TMEM132A: variants seen among roughly 807,000 people sequenced by gnomAD.
TMEM132A encodes transmembrane protein 132A.
In TMEM132A, 48 loss-of-function variants were observed where a neutral mutation model predicts 69.9. The ratio of observed to expected loss-of-function variants is 0.69; its 90% confidence interval spans 0.55 to 0.87. The LOEUF is 0.87. Ranked by LOEUF, TMEM132A falls within the 40% of genes least tolerant of loss-of-function variation. The probability of loss-of-function intolerance (pLI) is 0.00; values close to 1 mark genes in which losing one functional copy is unlikely to be tolerated. For synonymous variants in TMEM132A, 577 were observed against 613.7 expected (o/e 0.94, Z 0.88); for missense variants, 1,287 against 1,407.2 (o/e 0.91, Z 1.37).
In TMEM132A at chr11:60,936,769, G is replaced by A. The variant is rs374151830; in HGVS notation, c.2934G>A (p.Glu978=). 53 of 1,612,546 alleles carry A rather than the reference G, an allele frequency of 3.3e-5. No homozygotes were observed. The highest frequency in any genetic ancestry group is 4.3e-5 in the Non-Finnish European group (51 of 1,179,506). ...CAGCCCCTCCAGCCCAGTCACCTGA[G>A]GAGCCTGTAGGGGCCCCTGCTGTGC... The part of the protein sequence containing the change: ...FAPAPPAQSP[E]EPVGAPAVQS... Residue 978 remains glutamate (E), a synonymous_variant, in exon 11 of 11, where the codon GAG becomes GAA. Transcript: ENST00000453848.
Position 60,934,618 on chromosome 11 carries a change from C to G in TMEM132A, c.1690C>G (p.Arg564Gly), listed in dbSNP as rs753138990. 8 of 1,584,480 alleles carry G rather than the reference C, an allele frequency of 5.0e-6. No individual in the cohort carries two copies. The Admixed American group carries it at 1.4e-4, about 27-fold the overall frequency. The change falls in exon 9 of 11, where the codon CGC becomes GGC. Residue 564 changes from arginine (R) to glycine (G), a missense_variant. Physicochemically the swap from Arg to Gly is moderately radical, Grantham distance 125 (BLOSUM62 -2). Transcript: ENST00000453848. ...FAAHPLDGGR[R>G]LTHLLGPDWL... ...GGCCCACCCGCTGGACGGCGGCCGC[C>G]GCCTCACGCACCTGCTTGGCCCCGA...
At chr11:60,928,224 G>A (rs1856395788) in intron 3 of TMEM132A, among the ~76,000 whole-genome samples, 1 of 152,236 alleles carries the variant, frequency 6.6e-6, no homozygotes, top group South Asian at 2.1e-4. Flanking sequence ...TGCATTATTA[G>A]TAGTGTTACT....
chr11:60,934,819 CA>C, intron 9 of TMEM132A, 55 bp downstream of exon 9: 1 of 1,517,968 alleles, frequency 6.6e-7, no homozygotes. Flanking sequence ...GAGGGGCCCC[CA>C]AAATGTTCGT....
intron 4 of TMEM132A, among the ~76,000 whole-genome samples, chr11:60,929,620 G>A (rs1856431948): frequency 6.6e-6 from 1 of 152,150 alleles, no homozygotes; most frequent in Non-Finnish European, 1.5e-5. Context: ...GGATAGTCCT[G>A]GGCTTGGTTA....
intron 9 of TMEM132A, among the ~76,000 whole-genome samples, 181 bp downstream of exon 9, chr11:60,934,945 G>C (rs1055628075): frequency 6.6e-6 from 1 of 152,140 alleles, no homozygotes; most frequent in African/African-American, 2.4e-5. Context: ...GCATAAGGGG[G>C]GAAGCCCTCT....
In TMEM132A at chr11:60,931,830, G is replaced by C. The variant is rs758643242; in HGVS notation, c.1158G>C (p.Val386=). 2.5e-6 allele frequency: 4 copies of C among 1,614,266 alleles called. No individual in the cohort carries two copies. The highest frequency in any genetic ancestry group is 3.4e-6 in the Non-Finnish European group (4 of 1,180,046). ...QAPEAEKDKM[V]WEILVSERDI... ...CTGAAGCAGAGAAGGACAAAATGGT[G>C]TGGGAAATCCTGGTGTCTGAGCGGG... Residue 386 remains valine (V), a synonymous_variant, in exon 6 of 11, where the codon GTG becomes GTC. Transcript: ENST00000453848.
intron 7 of TMEM132A, chr11:60,932,731 C>T (rs1856508578): frequency 6.6e-6 from 1 of 152,206 alleles, no homozygotes; most frequent in South Asian, 2.1e-4. Flanking sequence ...AGAGGGGAAG[C>T]ATGGAGTCTG....
chr11:60,930,123 A>G (rs1856443752), intron 4 of TMEM132A, among the ~76,000 whole-genome samples: 3 of 152,352 alleles, frequency 2.0e-5, no homozygotes, highest in Middle Eastern at 6.8e-3. Context: ...AGGGCAGAGC[A>G]GGCTGAAGGC....
At chr11:60,925,313 C>G (rs1318618980) in intron 1 of TMEM132A, 1 of 152,600 alleles carries the variant, frequency 6.6e-6, no homozygotes, top group African/African-American at 2.4e-5. Flanking sequence ...CCCTGTGCTT[C>G]GGGGTGGGGG....
At chr11:60,928,521 C>G (rs1856399676) in intron 3 of TMEM132A, 108 bp from the exon 4 acceptor site, 3 of 1,072,986 alleles carry the variant, frequency 2.8e-6, no homozygotes, top group Admixed American at 4.2e-5. Flanking sequence ...GCTGGGCCTC[C>G]CTTTCATGAG....
In TMEM132A at chr11:60,927,231, C is replaced by G; in HGVS notation, c.128C>G (p.Pro43Arg). The change falls in exon 2 of 11, where the codon CCT becomes CGT. Residue 43 changes from proline to arginine, a missense_variant. Pro to Arg is a moderately radical substitution (Grantham distance 103). Transcript: ENST00000453848. ...RVDCGQAPLD[P>R]VYLPAALELL... Reference sequence around the variant, plus strand: ...GACTGTGGCCAGGCTCCCCTGGACCCTGTCTACCTGCCGGCAGCCCTGGAG... The same window carrying G: ...GACTGTGGCCAGGCTCCCCTGGACCGTGTCTACCTGCCGGCAGCCCTGGAG... The G allele has an allele frequency of 6.2e-7, 1 of 1,613,564 alleles. No individual in the cohort carries two copies. The highest frequency in any genetic ancestry group is 8.5e-7 in the Non-Finnish European group (1 of 1,180,004).
Position 60,936,672 on chromosome 11 carries a change from G to A in TMEM132A, c.2837G>A (p.Ser946Asn), listed in dbSNP as rs1856610958. Residue 946 changes from serine (S) to asparagine (N), a missense_variant, in exon 11 of 11, where the codon AGC (serine) becomes AAC (asparagine). Transcript: ENST00000453848. ...CCTGGCCCTCCTGGGGGCACCACCAGCTCCTCAAGCACCCTGGCCCGAAAG... is the reference window on the plus strand; with the variant it reads ...CCTGGCCCTCCTGGGGGCACCACCAACTCCTCAAGCACCCTGGCCCGAAAG... The part of the protein sequence containing the change: ...LAPGPPGGTT[S>N]SSSTLARKEA... 6.4e-7 allele frequency: 1 copy of A among 1,553,806 alleles called. No individual in the cohort carries two copies. Among genetic ancestry groups the A allele is most frequent in the Non-Finnish European group, 8.7e-7 (1 of 1,151,278 alleles).
intron 7 of TMEM132A, chr11:60,932,730 G>GC (rs1856508637): frequency 6.6e-6 from 1 of 152,244 alleles, no homozygotes; most frequent in Admixed American, 6.5e-5. Flanking sequence ...AAGAGGGGAA[G>GC]CATGGAGTCT....
At chr11:60,924,772 G>T (rs1269161303) in intron 1 of TMEM132A, 39 bp downstream of exon 1, 6 of 1,412,332 alleles carry the variant, frequency 4.2e-6, no homozygotes, top group Non-Finnish European at 4.7e-6. Context: ...GGGCGGCCGG[G>T]CCCGGCCGAG....
In TMEM132A at chr11:60,934,526, A is replaced by AGCG; in HGVS notation, c.1602_1604dup (p.Arg535dup). 2 of 1,453,318 alleles carry AGCG rather than the reference A, an allele frequency of 1.4e-6. No individual in the cohort carries two copies. Among genetic ancestry groups the AGCG allele is most frequent in the Non-Finnish European group, 1.8e-6 (2 of 1,112,780 alleles). 90.0% of individuals were successfully genotyped at this position (1,453,318 alleles called of 1,614,324 possible). A position where few individuals can be genotyped will look rare whatever the true frequency, so the allele number is the denominator to read the frequency against. ...GCTGCAGAGGCGTCGGATGAGGCCG[A>AGCG]GCGGCGCGCCCGTGGCTGCCACCTG... On this transcript the variant is annotated inframe_insertion, in exon 9 of 11. Transcript: ENST00000453848.
At chr11:60,934,880 T>C in intron 9 of TMEM132A, 116 bp downstream of exon 9, 12 of 1,147,250 alleles carry the variant, frequency 1.0e-5, no homozygotes, top group Non-Finnish European at 1.4e-5. Context: ...GGGGGAGTTG[T>C]GCGGTCTAGG....
In TMEM132A at chr11:60,936,346, C is replaced by G; in HGVS notation, c.2511C>G (p.Val837=). The change falls in exon 11 of 11, where the codon GTC becomes GTG. Residue 837 remains valine, a synonymous_variant. Coordinates refer to ENST00000453848, the MANE Select transcript of TMEM132A (RefSeq NM_178031.3). ...EEEEEEEEEM[V]PAPQHVTELE... is the part of the protein sequence containing the mutation. ...AGGAGGAAGAGGAGGAGGAGATGGT[C>G]CCTGCCCCTCAGCATGTCACTGAGC... is the stretch of plus-strand genomic sequence containing the variant. 3 of 1,614,100 alleles carry G rather than the reference C, an allele frequency of 1.9e-6. No individual in the cohort carries two copies. Among genetic ancestry groups the G allele is most frequent in the Non-Finnish European group, 2.5e-6 (3 of 1,180,000 alleles).
In TMEM132A at chr11:60,927,832, C is replaced by A; in HGVS notation, c.507C>A (p.Gly169=). 3 of 1,610,688 alleles carry A rather than the reference C, an allele frequency of 1.9e-6. No homozygotes were observed. The highest frequency in any genetic ancestry group is 2.5e-6 in the Non-Finnish European group (3 of 1,179,658). The change falls in exon 3 of 11, where the codon GGC becomes GGA. Residue 169 remains glycine, a synonymous_variant. Coordinates refer to ENST00000453848, the MANE Select transcript of TMEM132A (RefSeq NM_178031.3). ...GGCTCCATGCCACACACCCTGCCGG[C>A]ACTGCTCACCAAGCCTGCCGCTTCC... is the stretch of plus-strand genomic sequence containing the variant. ...CARLHATHPA[G]TAHQACRFQP...
rs776975966 is a variant in TMEM132A, at chr11:60,927,077, G to T, written c.101-127G>T. 4 of 786,648 alleles carry T rather than the reference G, an allele frequency of 5.1e-6. No individual in the cohort carries two copies. In the East Asian group the frequency reaches 9.9e-5, roughly 19 times the overall value. The allele number at this position is 786,648 out of a possible 1,614,324, so 48.7% of individuals were successfully genotyped here. On this transcript the variant is annotated intron_variant, in intron 1 of 10. Transcript: ENST00000453848. Reference sequence around the variant, plus strand: ...CCTCATCTGTGAAATGGTGGTGAGAGGGGAAGGGACATTTACAGCCCTTTT... The same window carrying T: ...CCTCATCTGTGAAATGGTGGTGAGATGGGAAGGGACATTTACAGCCCTTTT...
Sources: allele counts gnomAD v4.1 joint callset (sites outside exome capture counted in the v4.1 genomes callset), GRCh38; gene constraint gnomAD v4.1.1; transcripts MANE v1.5; gene names NCBI Gene and HGNC (gene_info 2026-07-23, HGNC 2026-07-21).